TRIM3: variants seen among roughly 807,000 people sequenced by gnomAD.
TRIM3 encodes the protein tripartite motif containing 3.
Under a neutral mutation model 66.6 loss-of-function variants are expected in TRIM3, and 13 were observed. The ratio of observed to expected loss-of-function variants is 0.20; its 90% CI spans 0.13 to 0.31. TRIM3 has a LOEUF of 0.31. Among genes scored for constraint, TRIM3 ranks in the 10% least tolerant of loss-of-function variants. The probability of loss-of-function intolerance (pLI) is 1.00; values close to 1 mark genes in which losing one functional copy is unlikely to be tolerated. For synonymous variants in TRIM3, 406 were observed against 411.7 expected, an observed-to-expected ratio of 0.99 and a Z score of 0.17; for missense variants, 711 against 1,020.4, an observed-to-expected ratio of 0.70 and a Z score of 4.13.
In TRIM3 at chr11:6,457,630, C is replaced by A; in HGVS notation, c.515+66G>T. On this transcript the variant is annotated intron_variant, in intron 4 of 11. Coordinates refer to ENST00000345851, the MANE Select transcript of TRIM3 (RefSeq NM_033278.4). This position sits in a 1 kb window ranked among gnomAD's most constrained non-coding sequence, Gnocchi z 4.5. ...TGCCCTTCCCAGACCCTTTATTCCCCTCCCCGCCCGAGCTAAGACACCATC... is the reference window on the plus strand; with the variant it reads ...TGCCCTTCCCAGACCCTTTATTCCCATCCCCGCCCGAGCTAAGACACCATC... 1 of 1,571,302 alleles carries A rather than the reference C, an allele frequency of 6.4e-7. No homozygotes were observed.
rs942239553 is a variant in TRIM3, at chr11:6,449,297, C to G, written c.2082+9G>C. On this transcript the variant is annotated intron_variant, in intron 11 of 11. Coordinates refer to ENST00000345851, the MANE Select transcript of TRIM3 (RefSeq NM_033278.4). This position sits in a 1 kb window ranked among gnomAD's most constrained non-coding sequence, Gnocchi z 5.3. ...CCGCCCCCTCATGTCATTCCCAGGC[C>G]TTACTCACCTGGATGCGGCTGTTGC... The G allele has an allele frequency of 1.9e-5, 30 of 1,613,348 alleles. No homozygotes were observed. The highest frequency in any genetic ancestry group is 2.5e-5 in the Non-Finnish European group (29 of 1,179,496).
intron 2 of TRIM3, among the ~76,000 whole-genome samples, chr11:6,465,323 G>A (rs1362154713): frequency 6.6e-6 from 1 of 152,206 alleles, no homozygotes; most frequent in Non-Finnish European, 1.5e-5. Context: ...AAAGGACAGA[G>A]AAGGCCCTAT....
At chr11:6,463,904 T>C (rs141102807) in intron 2 of TRIM3, among the ~76,000 whole-genome samples, 143 of 152,176 alleles carry the variant, frequency 9.4e-4, no homozygotes, top group African/African-American at 2.7e-3. Context: ...TTCCAGTTGA[T>C]AAAGGAGAGT....
At chr11:6,453,427 T>C (rs954219003) in intron 7 of TRIM3, among the ~76,000 whole-genome samples, 2 of 152,190 alleles carry the variant, frequency 1.3e-5, no homozygotes, top group African/African-American at 4.8e-5. Context: ...TTAACATCTC[T>C]CTCCTATACC....
Position 6,448,781 on chromosome 11 carries a change from A to C in TRIM3, c.*247T>G. 1.6e-6 allele frequency: 1 copy of C among 613,150 alleles called. No homozygotes were observed. Among genetic ancestry groups the C allele is most frequent in the South Asian group, 1.9e-5 (1 of 51,410 alleles). The allele number at this position is 613,150 out of a possible 1,614,324, so 38.0% of individuals were successfully genotyped here. On this transcript the variant is annotated 3_prime_UTR_variant, in exon 12 of 12. Coordinates refer to ENST00000345851, the MANE Select transcript of TRIM3 (RefSeq NM_033278.4). ...TGACAGGGGTGGGGAGGTGTGTAAG[A>C]AGGGTAGGGTGAAGCTCTGCACACA...
rs772287339 is a variant in TRIM3, at chr11:6,457,454, T to C, written c.538A>G (p.Ile180Val). 2 of 1,612,854 alleles carry C rather than the reference T, an allele frequency of 1.2e-6. No homozygotes were observed. The highest frequency in any genetic ancestry group is 1.3e-5 in the African/African-American group (1 of 74,898). Residue 180 changes from isoleucine to valine, a missense_variant, in exon 5 of 12, where the codon ATT becomes GTT. Transcript: ENST00000345851. This position sits in a 1 kb window ranked among gnomAD's most constrained non-coding sequence, Gnocchi z 4.5. Reference sequence around the variant, plus strand: ...TGGCTGATGCCCCCGACTAAGGCAATTGCTGCGGACAGCTGTGGCAATCTG... The same window carrying C: ...TGGCTGATGCCCCCGACTAAGGCAACTGCTGCGGACAGCTGTGGCAATCTG... ...RGRLPQLSAA[I>V]ALVGGISQQL...
intron 1 of TRIM3, among the ~76,000 whole-genome samples, chr11:6,471,781 G>A (rs1213501810): frequency 6.6e-6 from 1 of 152,126 alleles, no homozygotes; most frequent in Non-Finnish European, 1.5e-5. Context: ...CAGAGGAAGG[G>A]GTATTTGAGC....
At chr11:6,451,745 G>C (rs1849729751) in intron 7 of TRIM3, 1 of 362,182 alleles carries the variant, frequency 2.8e-6, no homozygotes, top group African/African-American at 2.1e-5. Flanking sequence ...GAAAGGAAGA[G>C]GAAAGGCATT....
In TRIM3 at chr11:6,457,131, C is replaced by T; in HGVS notation, c.697-102G>A. On this transcript the variant is annotated intron_variant, in intron 5 of 11. Coordinates refer to ENST00000345851, the MANE Select transcript of TRIM3 (RefSeq NM_033278.4). This position sits in a 1 kb window ranked among gnomAD's most constrained non-coding sequence, Gnocchi z 4.5. ...TGTGGCATAAAATACAAGAGGGTGC[C>T]TGTGGACAGAGGACACAGATGCCCA... 6.5e-7 allele frequency: 1 copy of T among 1,527,628 alleles called. No homozygotes were observed. Among genetic ancestry groups the T allele is most frequent in the East Asian group, 2.3e-5 (1 of 44,154 alleles). 94.6% of individuals were successfully genotyped at this position (1,527,628 alleles called of 1,614,324 possible).
Position 6,457,940 on chromosome 11 carries a change from G to T in TRIM3, c.364-93C>A. ...CCTCCCTGCCCCTCACCTTCTAAGT[G>T]CACCCCCTACCTGGACCACTAATCC... On this transcript the variant is annotated intron_variant, in intron 3 of 11. Transcript: ENST00000345851. This position sits in a 1 kb window ranked among gnomAD's most constrained non-coding sequence, Gnocchi z 4.5. 1.3e-6 allele frequency: 2 copies of T among 1,564,714 alleles called. No homozygotes were observed.
chr11:6,466,133 C>T (rs886301997), intron 1 of TRIM3, among the ~76,000 whole-genome samples: 6 of 152,210 alleles, frequency 3.9e-5, no homozygotes, highest in Non-Finnish European at 8.8e-5. Context: ...CCCCCAAATC[C>T]TCCTCCAAGA....
chr11:6,462,499 C>G (rs1850290874), intron 2 of TRIM3, among the ~76,000 whole-genome samples: 1 of 152,110 alleles, frequency 6.6e-6, no homozygotes, highest in Non-Finnish European at 1.5e-5. Flanking sequence ...CCTCCACCTC[C>G]CAGGCTCAAA....
Position 6,449,468 on chromosome 11 carries a change from G to A in TRIM3, c.1942-22C>T. 1 of 1,605,710 alleles carries A rather than the reference G, an allele frequency of 6.2e-7. No homozygotes were observed. ...ACACCTGGCGGGGGAAGGGGCTAGG[G>A]ACTGGGGACCTGGCCTCAGGCAGAG... On this transcript the variant is annotated intron_variant, in intron 10 of 11. Coordinates refer to ENST00000345851, the MANE Select transcript of TRIM3 (RefSeq NM_033278.4). The surrounding 1 kb of genome is among the most constrained non-coding windows in gnomAD (Gnocchi z 5.3).
At chr11:6,468,854 GTGAA>G (rs111290321) in intron 1 of TRIM3, among the ~76,000 whole-genome samples, 184 of 150,974 alleles carry the variant, frequency 1.2e-3, no homozygotes, top group Admixed American at 2.2e-3. Context: ...TCTAAAGACT[GTGAA>G]TGAATGAATG....
Position 6,451,114 on chromosome 11 carries a change from T to A in TRIM3, c.1702-54A>T, listed in dbSNP as rs949173978. 3.1e-6 allele frequency: 5 copies of A among 1,606,416 alleles called. No homozygotes were observed. In the African/African-American group the frequency reaches 4.0e-5, roughly 13 times the overall value. On this transcript the variant is annotated intron_variant, in intron 8 of 11. Coordinates refer to ENST00000345851, the MANE Select transcript of TRIM3 (RefSeq NM_033278.4). Reference sequence around the variant, plus strand: ...TTTATTCTGACAGTGGGGAAAGTAGTCCTAACCCAGTACCAAAGCAGAATC... The same window carrying A: ...TTTATTCTGACAGTGGGGAAAGTAGACCTAACCCAGTACCAAAGCAGAATC...
At position 6,449,507 on chromosome 11, in the gene TRIM3, A is replaced by C; in HGVS notation, c.1942-61T>G. The stretch of plus-strand genomic sequence containing the variant: ...CCTCAGGCAGAGGGTAGGGCTTTGG[A>C]GGAGGATAGGGTGAAGCCCCAGGGC... On this transcript the variant is annotated intron_variant, in intron 10 of 11. Transcript: ENST00000345851. The surrounding 1 kb of genome is among the most constrained non-coding windows in gnomAD (Gnocchi z 5.3). 2 of 1,541,522 alleles carry C rather than the reference A, an allele frequency of 1.3e-6. No homozygotes were observed. The highest frequency in any genetic ancestry group is 1.8e-6 in the Non-Finnish European group (2 of 1,133,010).
In TRIM3 at chr11:6,466,067, C is replaced by T. The variant is rs149908022; in HGVS notation, c.-37-335G>A. Among the ~76,000 whole-genome samples the T allele has an allele frequency of 4.5e-4, 68 of 152,304 alleles. No homozygotes were observed. In the East Asian group the frequency reaches 6.8e-3, roughly 15 times the overall value. Reference sequence around the variant, plus strand: ...AGTGTGACATAGTGCCTGTTGAGTGCATGGTACAGAGATGTCCATTTTCAC... The same window carrying T: ...AGTGTGACATAGTGCCTGTTGAGTGTATGGTACAGAGATGTCCATTTTCAC... On this transcript the variant is annotated intron_variant, in intron 1 of 11. Transcript: ENST00000345851.
intron 1 of TRIM3, among the ~76,000 whole-genome samples, chr11:6,466,348 G>A (rs764133621): frequency 3.9e-5 from 6 of 152,106 alleles, no homozygotes; most frequent in Non-Finnish European, 7.4e-5. Flanking sequence ...GTTCTCTCCT[G>A]GAATACAGCA....
chr11:6,469,917 G>A (rs1382468917), intron 1 of TRIM3, among the ~76,000 whole-genome samples: 2 of 152,196 alleles, frequency 1.3e-5, no homozygotes, highest in African/African-American at 4.8e-5. Context: ...GTTACAGAGA[G>A]TATGGTGCCT....
Sources: gnomAD v4.1 joint callset for allele counts (sites outside exome capture counted in the v4.1 genomes callset) on GRCh38, gnomAD v4.1.1 for gene constraint, Gnocchi (gnomAD v3.1) non-coding constraint, MANE v1.5 for transcripts, NCBI Gene and HGNC (gene_info 2026-07-23, HGNC 2026-07-21) for gene names.